The following MATN2 variants were observed in gnomAD, a reference collection of about 807,000 sequenced individuals.
MATN2 encodes the protein matrilin-2.
MATN2 carries 69 observed loss-of-function variants against 103.2 expected under a neutral mutation model. The observed-to-expected ratio is 0.67, with a 90% CI of 0.55 to 0.82. The LOEUF (loss-of-function observed/expected upper bound fraction) is 0.82. Among genes scored for constraint, MATN2 ranks in the 40% least tolerant of loss-of-function variants. The probability of loss-of-function intolerance (pLI) is 0.00; values close to 1 mark genes in which losing one functional copy is unlikely to be tolerated. For missense variants in MATN2, 1,023 were observed against 1,211.5 expected, an observed-to-expected ratio of 0.84 and a Z score of 2.31; for synonymous variants, 429 against 450.2, an observed-to-expected ratio of 0.95 and a Z score of 0.60.
rs774880438 is a variant in MATN2 at position 97,982,548 on chromosome 8, G to A, written c.1081+3540G>A. ...GAAAGCGAATACAATTAGTAAGTGT[G>A]CAACTATTATCTCAAAAAGGTAGAC... On this transcript the variant is annotated intron_variant, in intron 6 of 18. Coordinates refer to ENST00000254898, the MANE Select transcript of MATN2 (RefSeq NM_002380.5). This position sits in a 1 kb window ranked among gnomAD's most constrained non-coding sequence, Gnocchi z 4.3. 3.9e-5 allele frequency among the ~76,000 whole-genome samples: 6 copies of A among 152,148 alleles called. No individual in the cohort carries two copies. The highest frequency in any genetic ancestry group is 8.8e-5 in the Non-Finnish European group (6 of 68,032).
chr8:97,966,598 G>A (rs1034420310), intron 5 of MATN2, among the ~76,000 whole-genome samples: 2 of 151,616 alleles, frequency 1.3e-5, no homozygotes, highest in African/African-American at 4.8e-5. Flanking sequence ...GTGATAATTA[G>A]TAGTCATTGA....
chr8:97,877,873 G>A (rs1252914284), intron 1 of MATN2, among the ~76,000 whole-genome samples: 3 of 152,210 alleles, frequency 2.0e-5, no homozygotes, highest in African/African-American at 7.2e-5. Flanking sequence ...GACAGTGAGT[G>A]TCCAAAGTGT....
At chr8:97,959,726 G>A (rs996211775) in intron 4 of MATN2, among the ~76,000 whole-genome samples, 3 of 152,154 alleles carry the variant, frequency 2.0e-5, no homozygotes, top group African/African-American at 7.2e-5. Context: ...ATGTGATGAT[G>A]TAAGTTTTAA....
chr8:97,911,711 A>T (rs1414186792), intron 2 of MATN2, among the ~76,000 whole-genome samples: 5 of 152,142 alleles, frequency 3.3e-5, no homozygotes, highest in Admixed American at 6.5e-5. Flanking sequence ...GTCTCAAAAA[A>T]AAAATAAAAT....
At chr8:97,938,421 T>C (rs1054712018) in intron 3 of MATN2, among the ~76,000 whole-genome samples, 1 of 152,200 alleles carries the variant, frequency 6.6e-6, no homozygotes, top group Non-Finnish European at 1.5e-5. Flanking sequence ...ACATGAGCTG[T>C]CTTGGAAGGC....
At chr8:98,001,470 T>G (rs1004360950) in intron 7 of MATN2, among the ~76,000 whole-genome samples, 2 of 149,052 alleles carry the variant, frequency 1.3e-5, no homozygotes, top group African/African-American at 2.5e-5. Flanking sequence ...GTCTTTTTTT[T>G]TTTTTTTTTT....
chr8:97,872,155 A>G (rs1287774214), intron 1 of MATN2, among the ~76,000 whole-genome samples: 1 of 152,196 alleles, frequency 6.6e-6, no homozygotes, highest in Non-Finnish European at 1.5e-5. Context: ...GCGTGATACT[A>G]TGTCATAGGG....
chr8:98,021,190 C>A lies in MATN2; in HGVS notation c.1820-15C>A. On this transcript the variant is annotated splice_polypyrimidine_tract_variant and intron_variant, in intron 12 of 18. Coordinates refer to ENST00000254898, the MANE Select transcript of MATN2 (RefSeq NM_002380.5). Reference sequence around the variant, plus strand: ...TACACTGATGGGATTGTTCAACTCCCTACATTTTCCTCAGGGAAGGATGTC... The same window carrying A: ...TACACTGATGGGATTGTTCAACTCCATACATTTTCCTCAGGGAAGGATGTC... 1 of 1,612,086 alleles carries A rather than the reference C, an allele frequency of 6.2e-7. No individual in the cohort carries two copies. The highest frequency in any genetic ancestry group is 1.1e-5 in the South Asian group (1 of 90,944).
At chr8:97,916,479 A>G in intron 2 of MATN2, among the ~76,000 whole-genome samples, 1 of 152,138 alleles carries the variant, frequency 6.6e-6, no homozygotes, top group East Asian at 1.9e-4. Flanking sequence ...AGATTATTTC[A>G]TCATCCAGGT....
intron 18 of MATN2, chr8:98,034,074 CT>C: frequency 2.3e-6 from 1 of 427,276 alleles, no homozygotes; most frequent in Non-Finnish European, 4.7e-6. Context: ...GTACTCCAAA[CT>C]TTTCCTTTAG....
At chr8:97,959,847 G>A (rs536932931) in intron 4 of MATN2, among the ~76,000 whole-genome samples, 1 of 152,330 alleles carries the variant, frequency 6.6e-6, no homozygotes, top group South Asian at 2.1e-4. Context: ...AATAAACTAT[G>A]AAACTCAAAG....
At chr8:98,009,849 A>G (rs2130395788) in intron 10 of MATN2, among the ~76,000 whole-genome samples, 1 of 152,246 alleles carries the variant, frequency 6.6e-6, no homozygotes, top group Admixed American at 6.5e-5. Flanking sequence ...CAGCACCAAG[A>G]AAGACTCTAT....
Position 97,931,419 on chromosome 8 carries a change from C to A in MATN2, c.609C>A (p.Thr203=). ...GTGTGGGCCAGGTAGACTTCAACAC[C>A]TTGAAGTCCATTGGGAGTGAGCCCC... The part of the protein sequence containing the change: ...AIGVGQVDFN[T]LKSIGSEPHE... Residue 203 remains threonine, a synonymous_variant, in exon 3 of 19, where the codon ACC becomes ACA. Coordinates refer to ENST00000254898, the MANE Select transcript of MATN2 (RefSeq NM_002380.5). The surrounding 1 kb of genome is among the most constrained non-coding windows in gnomAD (Gnocchi z 4.1). 6.2e-7 allele frequency: 1 copy of A among 1,613,544 alleles called. No homozygotes were observed. Among genetic ancestry groups the A allele is most frequent in the Non-Finnish European group, 8.5e-7 (1 of 1,179,668 alleles).
chr8:98,017,478 T>C (rs1341445522), intron 11 of MATN2, among the ~76,000 whole-genome samples: 28 of 152,188 alleles, frequency 1.8e-4, no homozygotes, highest in Non-Finnish European at 2.9e-5. Context: ...TTTCTCAACG[T>C]CTCAAAGCAC....
chr8:97,881,832 T>C (rs149270678), intron 1 of MATN2, among the ~76,000 whole-genome samples: 35 of 152,234 alleles, frequency 2.3e-4, no homozygotes, highest in African/African-American at 7.9e-4. Context: ...AAAAAATCTA[T>C]CTTGTCTGGT....
Position 97,919,414 on chromosome 8 carries a change from T to G in MATN2, c.143-11539T>G, listed in dbSNP as rs1054690247. ...AGCCTGCTAATTTTTGTGTTTTTAG[T>G]AGAGGCAGGGTTTCACTATGTTGGC... On this transcript the variant is annotated intron_variant, in intron 2 of 18. Transcript: ENST00000254898. 1.2e-3 allele frequency among the ~76,000 whole-genome samples: 183 copies of G among 152,308 alleles called. 1 individual carries two copies. Among genetic ancestry groups the G allele is most frequent in the African/African-American group, 4.2e-3 (174 of 41,574 alleles).
chr8:97,997,652 T>G (rs573037456), intron 7 of MATN2, among the ~76,000 whole-genome samples: 47 of 152,278 alleles, frequency 3.1e-4, no homozygotes, highest in Admixed American at 1.1e-3. Flanking sequence ...CCTATCATGG[T>G]ACCAGATATA....
chr8:97,893,597 T>TTTATTTATTTATTTAA (rs58634993), intron 2 of MATN2, among the ~76,000 whole-genome samples: 27 of 77,738 alleles, frequency 3.5e-4, no homozygotes, highest in South Asian at 2.0e-3. Context: ...TATTTATTTA[T>TTTATTTATTTATTTAA]GATAGAGTCT....
rs1031171936 is a variant in MATN2 at position 98,003,789 on chromosome 8, T to C, written c.1327+6T>C. The stretch of plus-strand genomic sequence containing the variant: ...CAATGGCAAAACCTGCAGCCGTGAG[T>C]GTACCCTAGGGGTGGGGTGCTGATG... On this transcript the variant is annotated splice_donor_region_variant and intron_variant, in intron 8 of 18. Coordinates refer to ENST00000254898, the MANE Select transcript of MATN2 (RefSeq NM_002380.5). 7.4e-6 allele frequency: 12 copies of C among 1,613,342 alleles called. No homozygotes were observed. In the African/African-American group the frequency reaches 1.3e-4, roughly 18 times the overall value.
Sources: gnomAD v4.1 joint callset for allele counts (sites outside exome capture counted in the v4.1 genomes callset) on GRCh38, gnomAD v4.1.1 for gene constraint, Gnocchi (gnomAD v3.1) non-coding constraint, MANE v1.5 for transcripts, NCBI Gene and HGNC (gene_info 2026-07-23, HGNC 2026-07-21) for gene names.